The following KCNIP4 variants were observed in gnomAD, a reference collection of about 807,000 sequenced individuals.
KCNIP4 encodes potassium voltage-gated channel interacting protein 4.
KCNIP4 carries 12 observed loss-of-function variants against 34.0 expected under a neutral mutation model. That is an observed-to-expected ratio of 0.35 (90% CI 0.23 to 0.57). The LOEUF (loss-of-function observed/expected upper bound fraction) is 0.57. KCNIP4 is among the 20% of genes least tolerant of loss of function. KCNIP4 has a pLI of 0.83. For missense variants in KCNIP4, 238 were observed against 311.7 expected (o/e 0.76, Z 1.78); for synonymous variants, 124 against 102.2 (o/e 1.21, Z -1.29).
At chr4:20,917,952 T>C (rs777622097) in intron 1 of KCNIP4, among the ~76,000 whole-genome samples, 6 of 152,164 alleles carry the variant, frequency 3.9e-5, no homozygotes, top group Non-Finnish European at 8.8e-5. Context: ...AATTTTCACA[T>C]GACACAGCTC....
chr4:21,204,728 T>G (rs147690668), intron 1 of KCNIP4, among the ~76,000 whole-genome samples: 56 of 152,226 alleles, frequency 3.7e-4, no homozygotes, highest in Non-Finnish European at 6.2e-4. Context: ...TGGAAATAGA[T>G]GTTTCACTTG....
rs80155771 is a variant in KCNIP4 at position 21,062,378 on chromosome 4, T to C, written c.62-179669A>G. ...AAGTCCTAGCCTCTAGTCTTTCAGA[T>C]TGTGACTGTATTTGGAAATTTTGTG... On this transcript the variant is annotated intron_variant, in intron 1 of 8. Coordinates refer to ENST00000382152, the MANE Select transcript of KCNIP4 (RefSeq NM_025221.6). 6.7e-3 allele frequency among the ~76,000 whole-genome samples: 1,016 copies of C among 152,222 alleles called. 9 individuals carry two copies. The highest frequency in any genetic ancestry group is 0.023 in the African/African-American group (947 of 41,564).
At chr4:21,282,448 A>G (rs1762834861) in intron 1 of KCNIP4, among the ~76,000 whole-genome samples, 1 of 135,200 alleles carries the variant, frequency 7.4e-6, no homozygotes. Flanking sequence ...ACTGGCACCA[A>G]AAGATGTGTG....
chr4:21,863,481 A>G (rs879890797), intron 1 of KCNIP4, among the ~76,000 whole-genome samples: 2 of 150,522 alleles, frequency 1.3e-5, no homozygotes, highest in Non-Finnish European at 3.0e-5. Flanking sequence ...CCGAGTAAGG[A>G]CAATCAGTGC....
intron 1 of KCNIP4, among the ~76,000 whole-genome samples, chr4:21,580,743 C>T (rs1211167222): frequency 6.6e-6 from 1 of 152,232 alleles, no homozygotes; most frequent in East Asian, 1.9e-4. Context: ...TTACTTCCCT[C>T]TCCTCTAGAA....
At position 20,999,840 on chromosome 4, in the gene KCNIP4, A is replaced by G. The variant is rs575079910; in HGVS notation, c.62-117131T>C. On this transcript the variant is annotated intron_variant, in intron 1 of 8. Coordinates refer to ENST00000382152, the MANE Select transcript of KCNIP4 (RefSeq NM_025221.6). Reference sequence around the variant, plus strand: ...AGAGGTTATTTGCAAAACTAATTACAGTATAAAAGACTAACAAAGTGTGCA... The same window carrying G: ...AGAGGTTATTTGCAAAACTAATTACGGTATAAAAGACTAACAAAGTGTGCA... 9.8e-5 allele frequency among the ~76,000 whole-genome samples: 15 copies of G among 152,346 alleles called. No individual in the cohort carries two copies. The East Asian group carries it at 2.7e-3, about 27-fold the overall frequency.
rs1013049188 is a variant in KCNIP4, at chr4:21,284,867, C to T, written c.62-402158G>A. 2.0e-5 allele frequency among the ~76,000 whole-genome samples: 3 copies of T among 151,868 alleles called. No homozygotes were observed. In the East Asian group the frequency reaches 5.9e-4, roughly 30 times the overall value. ...GCCCACTTCTGGGGGATGAACACAC[C>T]CACCGGGAGAAGGGATTCCAAGAGA... On this transcript the variant is annotated intron_variant, in intron 1 of 8. Transcript: ENST00000382152.
chr4:21,203,917 G>A (rs921027751), intron 1 of KCNIP4, among the ~76,000 whole-genome samples: 2 of 152,140 alleles, frequency 1.3e-5, no homozygotes, highest in African/African-American at 4.8e-5. Context: ...CCCGGGAAGG[G>A]CTGCTTCTCT....
intron 1 of KCNIP4, among the ~76,000 whole-genome samples, chr4:21,622,096 T>C (rs1466412217): frequency 6.6e-6 from 1 of 152,198 alleles, no homozygotes; most frequent in Non-Finnish European, 1.5e-5. Context: ...TATTGTATCC[T>C]TTGCTCATAT....
chr4:21,928,577 A>G (rs1371806368), intron 1 of KCNIP4, among the ~76,000 whole-genome samples: 1 of 152,140 alleles, frequency 6.6e-6, no homozygotes, highest in African/African-American at 2.4e-5. Context: ...CTAATATTTT[A>G]GAAGCTAGTT....
chr4:21,567,840 T>C (rs180704358), intron 1 of KCNIP4, among the ~76,000 whole-genome samples: 1 of 152,234 alleles, frequency 6.6e-6, no homozygotes, highest in Non-Finnish European at 1.5e-5. Flanking sequence ...GCGTGAGTGA[T>C]AACTCATACC....
intron 1 of KCNIP4, among the ~76,000 whole-genome samples, chr4:21,449,491 A>G (rs12643143): frequency 0.13 from 19,425 of 152,064 alleles, 1,420 homozygotes; most frequent in East Asian, 0.33. Context: ...TATAGCAGCC[A>G]CAGAAAACTA....
intron 1 of KCNIP4, among the ~76,000 whole-genome samples, chr4:21,581,057 A>C (rs1741164817): frequency 6.6e-6 from 1 of 152,056 alleles, no homozygotes; most frequent in South Asian, 2.1e-4. Flanking sequence ...CTGTCACTCC[A>C]CTTGATGACA....
At chr4:21,602,192 G>C (rs1190073657) in intron 1 of KCNIP4, among the ~76,000 whole-genome samples, 1 of 152,098 alleles carries the variant, frequency 6.6e-6, no homozygotes, top group Non-Finnish European at 1.5e-5. Flanking sequence ...CTTCTGCTGG[G>C]AAGTCCTCTT....
chr4:20,944,177 C>A (rs1043186539), intron 1 of KCNIP4, among the ~76,000 whole-genome samples: 9 of 152,190 alleles, frequency 5.9e-5, no homozygotes, highest in African/African-American at 2.2e-4. Context: ...GCCCTCAACT[C>A]AACCCCACGT....
chr4:20,935,521 T>G (rs1200481752), intron 1 of KCNIP4, among the ~76,000 whole-genome samples: 2 of 152,154 alleles, frequency 1.3e-5, no homozygotes, highest in African/African-American at 4.8e-5. Flanking sequence ...CTACTACCTC[T>G]CTCTAGGCCA....
At chr4:21,745,249 G>A (rs1716693286) in intron 1 of KCNIP4, among the ~76,000 whole-genome samples, 1 of 152,150 alleles carries the variant, frequency 6.6e-6, no homozygotes, top group Non-Finnish European at 1.5e-5. Context: ...AGAGGAAAAT[G>A]TTGCTTTCAT....
intron 1 of KCNIP4, among the ~76,000 whole-genome samples, chr4:21,659,159 T>C (rs996662811): frequency 9.2e-5 from 14 of 152,196 alleles, no homozygotes; most frequent in African/African-American, 3.4e-4. Context: ...CATTTTGGCA[T>C]AAATATTTTG....
rs1225732136 is a variant in KCNIP4, at chr4:21,787,237, G to A, written c.61+161334C>T. On this transcript the variant is annotated intron_variant, in intron 1 of 8. Transcript: ENST00000382152. The stretch of plus-strand genomic sequence containing the variant: ...CGAATAAATTTCGTGTTTAGGCTTC[G>A]ATTCCATTCCCAAGATTCTCATGAT... Among the ~76,000 whole-genome samples the A allele has an allele frequency of 2.0e-5, 3 of 152,128 alleles. No individual in the cohort carries two copies. In the East Asian group the frequency reaches 5.8e-4, roughly 29 times the overall value.
Sources: gnomAD v4.1 joint callset for allele counts (sites outside exome capture counted in the v4.1 genomes callset) on GRCh38, gnomAD v4.1.1 for gene constraint, MANE v1.5 for transcripts, NCBI Gene and HGNC (gene_info 2026-07-23, HGNC 2026-07-21) for gene names.